Variants in EPHA5 observed in about 807,000 individuals in gnomAD.
EPHA5 encodes the protein ephrin type-A receptor 5.
Under a neutral mutation model 105.0 loss-of-function variants are expected in EPHA5, and 60 were observed. The ratio of observed to expected loss-of-function variants is 0.57; its 90% CI spans 0.46 to 0.71. The LOEUF (loss-of-function observed/expected upper bound fraction) is 0.71, where lower values mean the gene tolerates loss of function less well. Ranked by LOEUF, EPHA5 falls within the 30% of genes least tolerant of loss-of-function variation. EPHA5 has a pLI of 0.00. For synonymous variants in EPHA5, 513 were observed against 449.1 expected (o/e 1.14, Z -1.80); for missense variants, 1,218 against 1,274.7 (o/e 0.96, Z 0.68).
At chr4:65,542,012 A>T (rs1736886928) in intron 3 of EPHA5, among the ~76,000 whole-genome samples, 1 of 152,028 alleles carries the variant, frequency 6.6e-6, no homozygotes, top group Admixed American at 6.6e-5. Context: ...AATTAAAGTA[A>T]GGCAGAAATC....
chr4:65,574,665 T>C lies in EPHA5; in HGVS notation c.910+26976A>G, dbSNP rs12502802. ...ACACATATATATACACATATATATA[T>C]ACACATATATATACATATATATACA... On this transcript the variant is annotated intron_variant, in intron 3 of 16. Coordinates refer to ENST00000613740, the MANE Select transcript of EPHA5 (RefSeq NM_001281766.3). 3.7e-3 allele frequency among the ~76,000 whole-genome samples: 152 copies of C among 41,478 alleles called. 2 individuals carry two copies. The highest frequency in any genetic ancestry group is 7.4e-3 in the African/African-American group (104 of 14,124). The allele number at this position is 41,478 out of a possible 152,430, so 27.2% of individuals were successfully genotyped here.
intron 5 of EPHA5, among the ~76,000 whole-genome samples, chr4:65,444,043 C>T (rs192137511): frequency 5.3e-5 from 8 of 152,230 alleles, no homozygotes; most frequent in African/African-American, 1.4e-4. Flanking sequence ...GAAGTTGACT[C>T]TTATTTGAAA....
At chr4:65,665,423 A>C (rs2149559226) in intron 1 of EPHA5, among the ~76,000 whole-genome samples, 1 of 152,204 alleles carries the variant, frequency 6.6e-6, no homozygotes, top group Non-Finnish European at 1.5e-5. Flanking sequence ...TTTGCTATAA[A>C]CAGCTATATC....
At chr4:65,555,948 A>G (rs4518304) in intron 3 of EPHA5, among the ~76,000 whole-genome samples, 109,579 of 152,034 alleles carry the variant, frequency 0.72, 39,774 homozygotes, top group Non-Finnish European at 0.76. Context: ...CAGCTTTCCA[A>G]ATGTTCAGAA....
chr4:65,377,272 A>AT (rs1414144492), intron 8 of EPHA5, among the ~76,000 whole-genome samples: 2 of 151,962 alleles, frequency 1.3e-5, no homozygotes, highest in African/African-American at 2.4e-5. Flanking sequence ...GTAAATTGTT[A>AT]TTTTTATTTT....
chr4:65,526,346 G>A (rs951435268), intron 3 of EPHA5, among the ~76,000 whole-genome samples: 1 of 151,848 alleles, frequency 6.6e-6, no homozygotes, highest in African/African-American at 2.4e-5. Context: ...ATCCTTTTAT[G>A]CTGGCTATAA....
At chr4:65,369,002 C>A (rs1005970612) in intron 8 of EPHA5, among the ~76,000 whole-genome samples, 1 of 152,104 alleles carries the variant, frequency 6.6e-6, no homozygotes, top group Non-Finnish European at 1.5e-5. Context: ...CTTTCTGCAT[C>A]CCCTCATGTG....
chr4:65,481,929 A>G (rs1730404008), intron 5 of EPHA5, among the ~76,000 whole-genome samples: 1 of 152,212 alleles, frequency 6.6e-6, no homozygotes, highest in African/African-American at 2.4e-5. Flanking sequence ...AGACACTTGG[A>G]GTTCTTCCTT....
At chr4:65,668,769 T>C (rs375702783) in intron 1 of EPHA5, among the ~76,000 whole-genome samples, 22 of 152,212 alleles carry the variant, frequency 1.4e-4, no homozygotes, top group African/African-American at 5.3e-4. Flanking sequence ...GATCAGGTGC[T>C]GGCCAGAGCA....
chr4:65,434,909 A>T, intron 5 of EPHA5, among the ~76,000 whole-genome samples: 1 of 152,238 alleles, frequency 6.6e-6, no homozygotes, highest in Middle Eastern at 3.4e-3. Flanking sequence ...AGCCTGTTCC[A>T]AAAATGAAAA....
At chr4:65,561,947 A>G (rs533671058) in intron 3 of EPHA5, among the ~76,000 whole-genome samples, 44 of 152,234 alleles carry the variant, frequency 2.9e-4, no homozygotes, top group Middle Eastern at 3.4e-3. Context: ...ACACTGAGAC[A>G]TTTCTAGTGA....
At chr4:65,327,719 G>C (rs1313088369) in intron 16 of EPHA5, among the ~76,000 whole-genome samples, 1 of 151,166 alleles carries the variant, frequency 6.6e-6, no homozygotes, top group African/African-American at 2.4e-5. Flanking sequence ...CTTTTGAAAT[G>C]CATCTTAATA....
At chr4:65,377,087 A>G (rs774270844) in intron 8 of EPHA5, 3 of 1,601,032 alleles carry the variant, frequency 1.9e-6, no homozygotes, top group Non-Finnish European at 2.6e-6. Flanking sequence ...AAGAGAGCCC[A>G]AGATAAGGAA....
intron 4 of EPHA5, among the ~76,000 whole-genome samples, chr4:65,491,035 G>C (rs1289086580): frequency 6.6e-6 from 1 of 152,104 alleles, no homozygotes; most frequent in East Asian, 1.9e-4. Context: ...TTATAAACTG[G>C]TGAGTTTCCT....
At chr4:65,568,975 T>G (rs1739840424) in intron 3 of EPHA5, among the ~76,000 whole-genome samples, 1 of 151,118 alleles carries the variant, frequency 6.6e-6, no homozygotes, top group South Asian at 2.1e-4. Flanking sequence ...TAGCTTAATT[T>G]TTAAAGCATA....
chr4:65,490,831 A>G (rs1731334492), intron 4 of EPHA5, 119 bp from the exon 5 acceptor site: 3 of 1,074,602 alleles, frequency 2.8e-6, no homozygotes, highest in Non-Finnish European at 2.7e-6. Context: ...CCTTTAAGTC[A>G]TAATTTGTAG....
chr4:65,521,364 G>A, intron 3 of EPHA5, among the ~76,000 whole-genome samples: 1 of 152,018 alleles, frequency 6.6e-6, no homozygotes, highest in Non-Finnish European at 1.5e-5. Context: ...TCACACACCA[G>A]AGCCTGTCTT....
intron 3 of EPHA5, among the ~76,000 whole-genome samples, chr4:65,597,968 A>C (rs961818710): frequency 1.3e-5 from 2 of 152,198 alleles, no homozygotes; most frequent in Non-Finnish European, 2.9e-5. Flanking sequence ...ATAACAAGTC[A>C]CATAAGCATG....
chr4:65,513,146 C>T (rs1328483582), intron 3 of EPHA5, among the ~76,000 whole-genome samples: 1 of 152,234 alleles, frequency 6.6e-6, no homozygotes, highest in East Asian at 1.9e-4. Flanking sequence ...TGTGTTTGCT[C>T]TACCCACATT....
Sources: gnomAD v4.1 joint callset for allele counts (sites outside exome capture counted in the v4.1 genomes callset) on GRCh38, gnomAD v4.1.1 for gene constraint, MANE v1.5 for transcripts, NCBI Gene and HGNC (gene_info 2026-07-23, HGNC 2026-07-21) for gene names.